Variants in RHD observed in about 807,000 individuals in gnomAD.
RHD encodes blood group Rh(D) polypeptide.
A neutral mutation model predicts 45.5 loss-of-function variants in RHD; 16 were observed. The ratio of observed to expected loss-of-function variants is 0.35; its 90% CI spans 0.24 to 0.53. The LOEUF (loss-of-function observed/expected upper bound fraction) is 0.53, where lower values mean the gene tolerates loss of function less well. Among genes scored for constraint, RHD ranks in the 20% least tolerant of loss-of-function variants. The pLI, the probability that RHD is intolerant of heterozygous loss-of-function variation, is 0.92. For synonymous variants in RHD, 131 were observed against 217.5 expected (o/e 0.60, Z 3.50); for missense variants, 306 against 532.0 (o/e 0.58, Z 4.18).
In RHD at chr1:25,300,346, T is replaced by C. The variant is rs1384878607; in HGVS notation, c.487-600T>C. ...GAGCAACATAGCAAGATTCCATCTT[T>C]ACACAAAATTTAAAAATTGGCCAGG... On this transcript the variant is annotated intron_variant, in intron 3 of 9. Transcript: ENST00000328664. Among the ~76,000 whole-genome samples the C allele has an allele frequency of 5.4e-5, 7 of 129,458 alleles. 2 individuals are homozygous for C. Among genetic ancestry groups the C allele is most frequent in the Admixed American group, 5.2e-4 (7 of 13,346 alleles). The allele number at this position is 129,458 out of a possible 152,430, so 84.9% of individuals were successfully genotyped here.
intron 9 of RHD, 86 bp downstream of exon 9, chr1:25,322,048 A>G (rs1644740070): frequency 1.3e-6 from 1 of 755,356 alleles, no homozygotes; most frequent in African/African-American, 1.7e-5. Flanking sequence ...CTTGCTGTTT[A>G]TGAGTAAAAC....
rs28559980 is a variant in RHD, at chr1:25,315,443, T to A, written c.1074-1557T>A. Among the ~76,000 whole-genome samples the A allele has an allele frequency of 5.6e-4, 71 of 127,904 alleles. 9 individuals are homozygous for A. The highest frequency in any genetic ancestry group is 9.8e-4 in the African/African-American group (36 of 36,710). 83.9% of individuals were successfully genotyped at this position (127,904 alleles called of 152,430 possible). ...GTTGTTGACATCTGCACTCCCTACA[T>A]GAGCAGCAGGGTGGCAACTCTTTTT... is the stretch of plus-strand genomic sequence containing the variant. On this transcript the variant is annotated intron_variant, in intron 7 of 9. Transcript: ENST00000328664.
At chr1:25,302,354 G>C (rs1369535792) in intron 5 of RHD, among the ~76,000 whole-genome samples, 1 of 128,688 alleles carries the variant, frequency 7.8e-6, no homozygotes, top group Non-Finnish European at 1.8e-5. Flanking sequence ...TCGGAGGGAA[G>C]TCTGGACAGA....
At chr1:25,319,641 AG>A (rs1423052025) in intron 8 of RHD, among the ~76,000 whole-genome samples, 1 of 132,260 alleles carries the variant, frequency 7.6e-6, no homozygotes, top group Non-Finnish European at 1.8e-5. Context: ...GGACAATGGA[AG>A]GGGGAAAAAG....
rs1206857301 is a variant in RHD at position 25,329,627 on chromosome 1, T to A, written c.*703T>A. Reference sequence around the variant, plus strand: ...ATCATGTGCTTCATAGAAACTTAATTAGATTATACCACTAGAGTCTTCAGA... The same window carrying A: ...ATCATGTGCTTCATAGAAACTTAATAAGATTATACCACTAGAGTCTTCAGA... On this transcript the variant is annotated 3_prime_UTR_variant, in exon 10 of 10. Coordinates refer to ENST00000328664, the MANE Select transcript of RHD (RefSeq NM_016124.6). The A allele has an allele frequency of 7.3e-6, 1 of 137,268 alleles. No homozygotes were observed. The highest frequency in any genetic ancestry group is 6.7e-5 in the Admixed American group (1 of 14,958). The allele number at this position is 137,268 out of a possible 1,614,324, so 8.5% of individuals were successfully genotyped here.
intron 1 of RHD, among the ~76,000 whole-genome samples, chr1:25,282,186 C>T (rs538069294): frequency 1.5e-5 from 2 of 132,968 alleles, no homozygotes; most frequent in Admixed American, 7.3e-5. Context: ...AAGCAACTTA[C>T]AAGACCACAG....
At chr1:25,309,552 G>T (rs1644029758) in intron 7 of RHD, among the ~76,000 whole-genome samples, 1 of 131,632 alleles carries the variant, frequency 7.6e-6, no homozygotes, top group African/African-American at 2.6e-5. Context: ...GTAAAAATAA[G>T]TCTATTTGGA....
intron 7 of RHD, among the ~76,000 whole-genome samples, chr1:25,313,057 T>C (rs1175184714): frequency 4.0e-5 from 5 of 126,486 alleles, no homozygotes. Flanking sequence ...ATTTCATGTG[T>C]TGGAAACTTA....
Position 25,308,015 on chromosome 1 carries a change from G to A in RHD, c.1073+1286G>A, listed in dbSNP as rs1245493428. The stretch of plus-strand genomic sequence containing the variant: ...GCAAGGTCCTACTCACATGCCTGTA[G>A]AGAACAGGCAGGGGAAGTTAGAAAA... On this transcript the variant is annotated intron_variant, in intron 7 of 9. Coordinates refer to ENST00000328664, the MANE Select transcript of RHD (RefSeq NM_016124.6). Among the ~76,000 whole-genome samples, 3 of 83,390 alleles carry A rather than the reference G, an allele frequency of 3.6e-5. 1 individual carries two copies. Among genetic ancestry groups the A allele is most frequent in the Non-Finnish European group, 6.0e-5 (2 of 33,464 alleles). The allele number at this position is 83,390 out of a possible 152,430, so 54.7% of individuals were successfully genotyped here.
intron 7 of RHD, among the ~76,000 whole-genome samples, chr1:25,313,680 A>G (rs1257691112): frequency 7.6e-6 from 1 of 132,402 alleles, no homozygotes; most frequent in East Asian, 1.9e-4. Flanking sequence ...CAGCAGAAAG[A>G]GAGGGGGAAC....
chr1:25,315,729 C>G (rs1219732061), intron 7 of RHD, among the ~76,000 whole-genome samples: 1 of 129,954 alleles, frequency 7.7e-6, no homozygotes, highest in Admixed American at 7.5e-5. Flanking sequence ...ATCTCCTGAC[C>G]TCATGATCTG....
chr1:25,318,616 T>C (rs1312678946), intron 8 of RHD, among the ~76,000 whole-genome samples: 1 of 131,876 alleles, frequency 7.6e-6, no homozygotes, highest in African/African-American at 2.6e-5. Flanking sequence ...ATACATTCCA[T>C]CCAGAACTGT....
chr1:25,280,826 G>C lies in RHD; in HGVS notation c.149-3747G>C, dbSNP rs1641432003. 1.5e-5 allele frequency among the ~76,000 whole-genome samples: 2 copies of C among 131,216 alleles called. 1 individual carries two copies. The highest frequency in any genetic ancestry group is 3.6e-5 in the Non-Finnish European group (2 of 55,542). The allele number at this position is 131,216 out of a possible 152,430, so 86.1% of individuals were successfully genotyped here. Reference sequence around the variant, plus strand: ...AGGTCTTGCTATGTTGCCTAGGCTGGTCTTGAACTCCTCAGCTCAAGCAAT... The same window carrying C: ...AGGTCTTGCTATGTTGCCTAGGCTGCTCTTGAACTCCTCAGCTCAAGCAAT... On this transcript the variant is annotated intron_variant, in intron 1 of 9. Coordinates refer to ENST00000328664, the MANE Select transcript of RHD (RefSeq NM_016124.6).
intron 6 of RHD, among the ~76,000 whole-genome samples, chr1:25,306,151 A>T (rs1461009421): frequency 7.6e-6 from 1 of 131,050 alleles, no homozygotes; most frequent in African/African-American, 2.6e-5. Flanking sequence ...GACATCTTAC[A>T]ATGTCTGGAG....
In RHD at chr1:25,330,058, C is replaced by G. The variant is rs1246866007; in HGVS notation, c.*1134C>G. 2 of 132,696 alleles carry G rather than the reference C, an allele frequency of 1.5e-5. 1 individual carries two copies. Among genetic ancestry groups the G allele is most frequent in the Non-Finnish European group, 3.6e-5 (2 of 55,984 alleles). The allele number at this position is 132,696 out of a possible 1,614,324, so 8.2% of individuals were successfully genotyped here. ...GCTTCCATTGAGACCAAGGGGAGAA[C>G]CTGGTTGCAGGACAAACAGACGGAC... On this transcript the variant is annotated 3_prime_UTR_variant, in exon 10 of 10. Transcript: ENST00000328664.
rs201418814 is a variant in RHD at position 25,306,691 on chromosome 1, G to A, written c.1035G>A (p.Val345=). ...TGCTTGGAGAGATCATCTACATTGT[G>A]CTGCTGGTGCTTGATACCGTCGGAG... is the stretch of plus-strand genomic sequence containing the variant. ...LGLLGEIIYI[V]LLVLDTVGAG... The change falls in exon 7 of 10, where the codon GTG becomes GTA. Residue 345 remains valine, a synonymous_variant. Coordinates refer to ENST00000328664, the MANE Select transcript of RHD (RefSeq NM_016124.6). The A allele has an allele frequency of 3.6e-5, 50 of 1,378,576 alleles. 12 individuals are homozygous for A. In the Admixed American group the frequency reaches 5.9e-4, roughly 16 times the overall value. The allele number at this position is 1,378,576 out of a possible 1,614,324, so 85.4% of individuals were successfully genotyped here.
chr1:25,304,397 A>C (rs1189215593), intron 6 of RHD: 1 of 127,472 alleles, frequency 7.8e-6, no homozygotes, highest in East Asian at 2.0e-4. Context: ...TCAGGAGTTC[A>C]AGACCAGCCT....
At chr1:25,301,815 C>T in intron 5 of RHD, 129 bp downstream of exon 5, 1 of 753,796 alleles carries the variant, frequency 1.3e-6, no homozygotes. Context: ...CTGTGCCTGC[C>T]TCTACAGTGG....
chr1:25,276,746 G>A lies in RHD; in HGVS notation c.148+4051G>A, dbSNP rs71652363. Among the ~76,000 whole-genome samples the A allele has an allele frequency of 1.2e-3, 157 of 129,810 alleles. 44 individuals carry two copies. Among genetic ancestry groups the A allele is most frequent in the Non-Finnish European group, 2.4e-3 (134 of 55,050 alleles). 85.2% of individuals were successfully genotyped at this position (129,810 alleles called of 152,430 possible). A position where few individuals can be genotyped will look rare whatever the true frequency, so the allele number is the denominator to read the frequency against. On this transcript the variant is annotated intron_variant, in intron 1 of 9. Transcript: ENST00000328664. ...ATAAAAATATTTGAGGTGAAGCGAG[G>A]CTGTAATAACAAATTTAAAAATATA...
Sources: gnomAD v4.1 joint callset for allele counts (sites outside exome capture counted in the v4.1 genomes callset) on GRCh38, gnomAD v4.1.1 for gene constraint, MANE v1.5 for transcripts, NCBI Gene and HGNC (gene_info 2026-07-23, HGNC 2026-07-21) for gene names.